GFOD1: variants seen among roughly 807,000 people sequenced by gnomAD.
The protein encoded by GFOD1 is Gfo/Idh/MocA-like oxidoreductase domain containing 1, also known as glucose-fructose oxidoreductase domain-containing protein 1.
A neutral mutation model predicts 25.4 loss-of-function variants in GFOD1; 9 were observed. The ratio of observed to expected loss-of-function variants is 0.35; its 90% CI spans 0.21 to 0.62. The LOEUF (loss-of-function observed/expected upper bound fraction) is 0.62, where lower values mean the gene tolerates loss of function less well. Among genes scored for constraint, GFOD1 ranks in the 20% least tolerant of loss-of-function variants. The probability of loss-of-function intolerance (pLI) is 0.72; values close to 1 mark genes in which losing one functional copy is unlikely to be tolerated. For synonymous variants in GFOD1, 253 were observed against 245.6 expected (o/e 1.03, Z -0.28); for missense variants, 403 against 556.9 (o/e 0.72, Z 2.78).
rs1386275676 is a variant in GFOD1 at position 13,407,936 on chromosome 6, C to T, written c.254-42274G>A. On this transcript the variant is annotated intron_variant, in intron 1 of 1. Coordinates refer to ENST00000379287, the MANE Select transcript of GFOD1 (RefSeq NM_018988.4). Reference sequence around the variant, plus strand: ...CAACCAACTGACTCTCGGAGATTGCCCAACCAAAGAGCAGAAGTTCACAGA... The same window carrying T: ...CAACCAACTGACTCTCGGAGATTGCTCAACCAAAGAGCAGAAGTTCACAGA... 10 of 984,912 alleles carry T rather than the reference C, an allele frequency of 1.0e-5. No individual in the cohort carries two copies. In the African/African-American group the frequency reaches 1.7e-4, roughly 17 times the overall value. 61.0% of individuals were successfully genotyped at this position (984,912 alleles called of 1,614,324 possible). A position where few individuals can be genotyped will look rare whatever the true frequency, so the allele number is the denominator to read the frequency against.
At chr6:13,462,421 C>T (rs138940312) in intron 1 of GFOD1, among the ~76,000 whole-genome samples, 2 of 152,298 alleles carry the variant, frequency 1.3e-5, no homozygotes, top group East Asian at 1.9e-4. Context: ...ATTGTCAGAA[C>T]GTCTCAGATC....
At chr6:13,391,179 T>C (rs1286924704) in intron 1 of GFOD1, among the ~76,000 whole-genome samples, 1 of 152,180 alleles carries the variant, frequency 6.6e-6, no homozygotes, top group Admixed American at 6.5e-5. Flanking sequence ...TTTTTTTGTT[T>C]GAGTGAAGGT....
In GFOD1 at chr6:13,362,286, C is replaced by T. The variant is rs1367058898; in HGVS notation, c.*2457G>A. 1 of 151,908 alleles carries T rather than the reference C, an allele frequency of 6.6e-6. No homozygotes were observed. Among genetic ancestry groups the T allele is most frequent in the Non-Finnish European group, 1.5e-5 (1 of 68,018 alleles). 9.4% of individuals were successfully genotyped at this position (151,908 alleles called of 1,614,324 possible). A position where few individuals can be genotyped will look rare whatever the true frequency, so the allele number is the denominator to read the frequency against. On this transcript the variant is annotated 3_prime_UTR_variant, in exon 2 of 2. Coordinates refer to ENST00000379287, the MANE Select transcript of GFOD1 (RefSeq NM_018988.4). ...GACCATGCTGGCTAATACAGTGAAA[C>T]CCCGTCTCTACTAAAAATACAAAAA...
chr6:13,392,656 C>G (rs1023481793), intron 1 of GFOD1, among the ~76,000 whole-genome samples: 1 of 151,920 alleles, frequency 6.6e-6, no homozygotes, highest in African/African-American at 2.4e-5. Flanking sequence ...TGCTGCAGAT[C>G]CTCTCAGATA....
chr6:13,366,666 A>AC (rs1554198896), intron 1 of GFOD1, among the ~76,000 whole-genome samples: 5 of 150,014 alleles, frequency 3.3e-5, no homozygotes, highest in African/African-American at 1.2e-4. Context: ...GGGGTCTCCA[A>AC]TTTTTTTTTA....
At chr6:13,483,683 G>A (rs1434028350) in intron 1 of GFOD1, among the ~76,000 whole-genome samples, 1 of 152,150 alleles carries the variant, frequency 6.6e-6, no homozygotes, top group Non-Finnish European at 1.5e-5. Flanking sequence ...TCCAGGGCTG[G>A]GATGGAATAA....
Position 13,361,082 on chromosome 6 carries a change from A to G in GFOD1, c.*3661T>C, listed in dbSNP as rs1459675686. ...AACATACTTAAAATACTCTGCACAC[A>G]GTGGACAAGTCTTGGAGTTGGCCAG... On this transcript the variant is annotated 3_prime_UTR_variant, in exon 2 of 2. Transcript: ENST00000379287. 8.5e-6 allele frequency: 3 copies of G among 351,150 alleles called. No individual in the cohort carries two copies. The highest frequency in any genetic ancestry group is 1.7e-5 in the Non-Finnish European group (3 of 177,244). 21.8% of individuals were successfully genotyped at this position (351,150 alleles called of 1,614,324 possible).
intron 1 of GFOD1, among the ~76,000 whole-genome samples, chr6:13,442,859 T>C (rs35862487): frequency 0.016 from 2,439 of 152,372 alleles, 27 homozygotes; most frequent in Non-Finnish European, 0.026. Flanking sequence ...TTTTCATGCC[T>C]GTAGCCCATG....
intron 1 of GFOD1, among the ~76,000 whole-genome samples, chr6:13,375,341 T>C (rs1021954004): frequency 1.3e-5 from 2 of 152,162 alleles, no homozygotes; most frequent in Admixed American, 6.5e-5. Context: ...ATATATGCAA[T>C]GTCTGCAGCA....
rs1190375695 is a variant in GFOD1 at position 13,359,029 on chromosome 6, C to T, written c.*5714G>A. The T allele has an allele frequency of 6.6e-6, 1 of 152,336 alleles. No individual in the cohort carries two copies. The highest frequency in any genetic ancestry group is 1.9e-4 in the East Asian group (1 of 5,198). 9.4% of individuals were successfully genotyped at this position (152,336 alleles called of 1,614,324 possible). On this transcript the variant is annotated 3_prime_UTR_variant, in exon 2 of 2. Transcript: ENST00000379287. ...CCTTCCACTCCTGAGACAGTACCGG[C>T]TTCACCTCCAGATGCCACTGGGAAC...
In GFOD1 at chr6:13,365,527, C is replaced by T. The variant is rs995468576; in HGVS notation, c.389G>A (p.Arg130His). Reference protein sequence around the residue: ...NVLRFLPAFVRMKQLIEEGYV... With the variant: ...NVLRFLPAFVHMKQLIEEGYV... The stretch of plus-strand genomic sequence containing the variant: ...GCCCTCCTCGATCAGCTGCTTCATG[C>T]GCACGAAAGCCGGCAGGAAGCGCAG... Residue 130 changes from arginine to histidine, a missense_variant, in exon 2 of 2, where the codon CGC becomes CAC. Physicochemically the swap from Arg to His is conservative, Grantham distance 29. Transcript: ENST00000379287. The surrounding 1 kb of genome is among the most constrained non-coding windows in gnomAD (Gnocchi z 9.2). The T allele has an allele frequency of 5.0e-6, 8 of 1,612,440 alleles. No individual in the cohort carries two copies. In the African/African-American group the frequency reaches 6.7e-5, roughly 13 times the overall value.
At chr6:13,415,437 C>T (rs372676411) in intron 1 of GFOD1, among the ~76,000 whole-genome samples, 1 of 152,212 alleles carries the variant, frequency 6.6e-6, no homozygotes, top group South Asian at 2.1e-4. Flanking sequence ...CTCCTCCACC[C>T]ACCTTGCCTT....
chr6:13,409,175 G>GAGGAAAGAAAGAAAGGAA lies in GFOD1; in HGVS notation c.254-43514_254-43513insTTCCTTTCTTTCTTTCCT, dbSNP rs1562209543. ...AGAGGAAAGAAAGAAAGGAAAGAGA[G>GAGGAAAGAAAGAAAGGAA]AGAGAGAGAGAAAGAAAGAAAGAAA... is the stretch of plus-strand genomic sequence containing the variant. On this transcript the variant is annotated intron_variant, in intron 1 of 1. Transcript: ENST00000379287. Among the ~76,000 whole-genome samples, 233 of 33,674 alleles carry GAGGAAAGAAAGAAAGGAA rather than the reference G, an allele frequency of 6.9e-3. 72 individuals are homozygous for GAGGAAAGAAAGAAAGGAA. Among genetic ancestry groups the GAGGAAAGAAAGAAAGGAA allele is most frequent in the South Asian group, 0.038 (25 of 656 alleles). The allele number at this position is 33,674 out of a possible 152,430, so 22.1% of individuals were successfully genotyped here.
chr6:13,410,577 GGAGAGAGAGA>G (rs10530261), intron 1 of GFOD1, among the ~76,000 whole-genome samples: 12 of 128,186 alleles, frequency 9.4e-5, no homozygotes, highest in African/African-American at 4.0e-4. Context: ...AAGAAAGAAA[GGAGAGAGAGA>G]GAGAGAGAGA....
intron 1 of GFOD1, among the ~76,000 whole-genome samples, chr6:13,405,705 A>T (rs1785932685): frequency 6.6e-6 from 1 of 152,196 alleles, no homozygotes; most frequent in Non-Finnish European, 1.5e-5. Flanking sequence ...TTTGAGATGG[A>T]ATGAAACTTA....
At chr6:13,390,777 G>GAGAGAA (rs1785580539) in intron 1 of GFOD1, among the ~76,000 whole-genome samples, 1 of 75,454 alleles carries the variant, frequency 1.3e-5, no homozygotes, top group Non-Finnish European at 3.0e-5. Flanking sequence ...GAGAGAGAGA[G>GAGAGAA]AGAAAGGAAG....
At chr6:13,457,117 G>C (rs1758202743) in intron 1 of GFOD1, among the ~76,000 whole-genome samples, 1 of 152,172 alleles carries the variant, frequency 6.6e-6, no homozygotes, top group South Asian at 2.1e-4. Flanking sequence ...GCCCAACACG[G>C]AAAGTGAAAA....
At position 13,365,132 on chromosome 6, in the gene GFOD1, C is replaced by T. The variant is rs1310195154; in HGVS notation, c.784G>A (p.Gly262Ser). ...VGSAGRLLAV[G>S]TDLYGQRNSA... ...TTGCGCTGCCCGTACAGGTCGGTGC[C>T]CACGGCCAGCAGGCGCCCGGCTGAG... The change falls in exon 2 of 2, where the codon GGC (glycine) becomes AGC (serine). Residue 262 changes from glycine (G) to serine (S), a missense_variant. By Grantham distance (56) the Gly-to-Ser change is moderately conservative (BLOSUM62 0). Transcript: ENST00000379287. This position sits in a 1 kb window ranked among gnomAD's most constrained non-coding sequence, Gnocchi z 9.2. 6.2e-7 allele frequency: 1 copy of T among 1,613,168 alleles called. No homozygotes were observed. Among genetic ancestry groups the T allele is most frequent in the Non-Finnish European group, 8.5e-7 (1 of 1,179,832 alleles).
At chr6:13,478,566 C>T (rs528688001) in intron 1 of GFOD1, among the ~76,000 whole-genome samples, 2 of 152,318 alleles carry the variant, frequency 1.3e-5, no homozygotes, top group South Asian at 2.1e-4. Flanking sequence ...GGGTGGTCTC[C>T]GCAGCATTTG....
Sources: allele counts gnomAD v4.1 joint callset (sites outside exome capture counted in the v4.1 genomes callset), GRCh38; gene constraint gnomAD v4.1.1; non-coding constraint Gnocchi (gnomAD v3.1); transcripts MANE v1.5; gene names NCBI Gene and HGNC (gene_info 2026-07-23, HGNC 2026-07-21).